Variants in MANSC1 observed in about 807,000 individuals in gnomAD.
MANSC1 encodes the protein MANSC domain-containing protein 1.
Under a neutral mutation model 14.1 loss-of-function variants are expected in MANSC1, and 13 were observed. The observed-to-expected ratio is 0.92, with a 90% CI of 0.60 to 1.46. The LOEUF (loss-of-function observed/expected upper bound fraction) is 1.46. Ranked by LOEUF, MANSC1 falls within the 40% of genes most tolerant of loss-of-function variation. MANSC1 has a pLI of 0.00. For synonymous variants in MANSC1, 227 were observed against 200.7 expected, an observed-to-expected ratio of 1.13 and a Z score of -1.11; for missense variants, 486 against 511.4, an observed-to-expected ratio of 0.95 and a Z score of 0.48.
chr12:12,331,181 CA>C (rs1862785019), intron 3 of MANSC1, among the ~76,000 whole-genome samples: 1 of 152,046 alleles, frequency 6.6e-6, no homozygotes, highest in Non-Finnish European at 1.5e-5. Context: ...GTCTCTTAAA[CA>C]AAAAAATCTC....
chr12:12,335,447 T>A (rs1862846555), intron 3 of MANSC1, among the ~76,000 whole-genome samples: 1 of 151,538 alleles, frequency 6.6e-6, no homozygotes, highest in Non-Finnish European at 1.5e-5. Flanking sequence ...TTCAAGCAAT[T>A]CTCCCGCCTC....
chr12:12,346,100 C>G (rs548296864), intron 1 of MANSC1, among the ~76,000 whole-genome samples: 3 of 152,096 alleles, frequency 2.0e-5, no homozygotes, highest in African/African-American at 7.2e-5. Context: ...GGTGAAACCC[C>G]GTCTCTACTA....
intron 1 of MANSC1, among the ~76,000 whole-genome samples, chr12:12,346,053 C>A (rs1275936925): frequency 1.3e-5 from 2 of 152,188 alleles, no homozygotes; most frequent in African/African-American, 4.8e-5. Flanking sequence ...GCAGGCAGAT[C>A]ATGAGGTCAG....
rs1454268399 is a variant in MANSC1 at position 12,330,900 on chromosome 12, G to A, written c.423C>T (p.Leu141=). 3.7e-6 allele frequency: 6 copies of A among 1,611,428 alleles called. No homozygotes were observed. Among genetic ancestry groups the A allele is most frequent in the Non-Finnish European group, 5.1e-6 (6 of 1,179,158 alleles). The change falls in exon 4 of 4, where the codon CTC becomes CTT. Residue 141 remains leucine, a synonymous_variant. Transcript: ENST00000535902. ...PSQELPQEDS[L]LHGQFSQAVT... ...CTGCTTGTGAAAATTGGCCATGTAA[G>A]AGAGAATCTTCCTGGGGTAACTCTT...
At chr12:12,331,204 T>C (rs752074243) in intron 3 of MANSC1, among the ~76,000 whole-genome samples, 6 of 152,168 alleles carry the variant, frequency 3.9e-5, no homozygotes, top group Non-Finnish European at 5.9e-5. Flanking sequence ...AAACTGTTGA[T>C]ACTTGACATT....
intron 2 of MANSC1, 81 bp from the exon 3 acceptor site, chr12:12,338,641 T>A: frequency 7.6e-7 from 1 of 1,316,834 alleles, no homozygotes; most frequent in Non-Finnish European, 1.1e-6. Context: ...CTTCACTTAT[T>A]ATGGAGTCCA....
chr12:12,342,755 A>G (rs1862953787), intron 2 of MANSC1, among the ~76,000 whole-genome samples: 1 of 152,044 alleles, frequency 6.6e-6, no homozygotes, highest in African/African-American at 2.4e-5. Context: ...TTTCTTTGTA[A>G]TATCACACTG....
chr12:12,330,959 C>A lies in MANSC1; in HGVS notation c.365-1G>T, dbSNP rs1565792910. ...AAATTTCTGGTCAAAGATGGAAAAT[C>A]TGAAAATGTATGGAAAATAAAAGGA... On this transcript the variant is annotated splice_acceptor_variant, in intron 3 of 3. Transcript: ENST00000535902. LOFTEE classifies it high-confidence loss of function. 6.4e-7 allele frequency: 1 copy of A among 1,559,118 alleles called. No individual in the cohort carries two copies. Among genetic ancestry groups the A allele is most frequent in the East Asian group, 2.3e-5 (1 of 44,432 alleles).
rs765739407 is a variant in MANSC1 at position 12,326,197 on chromosome 12, G to C, written c.*3830C>G. 5 of 152,170 alleles carry C rather than the reference G, an allele frequency of 3.3e-5. No homozygotes were observed. The highest frequency in any genetic ancestry group is 5.9e-5 in the Non-Finnish European group (4 of 68,042). 9.4% of individuals were successfully genotyped at this position (152,170 alleles called of 1,614,324 possible). ...CCACTGCCACGCTCAGTGTGGCAGT[G>C]CCTTCTCCCCTCATCATGGCAGGGA... On this transcript the variant is annotated 3_prime_UTR_variant, in exon 4 of 4. Transcript: ENST00000535902.
chr12:12,336,106 C>A (rs1456163464), intron 3 of MANSC1, among the ~76,000 whole-genome samples: 1 of 152,154 alleles, frequency 6.6e-6, no homozygotes, highest in Non-Finnish European at 1.5e-5. Context: ...CCACTGCACT[C>A]CACCCTGGGC....
At chr12:12,345,301 CA>C (rs1195549160) in intron 1 of MANSC1, among the ~76,000 whole-genome samples, 1 of 122,650 alleles carries the variant, frequency 8.2e-6, no homozygotes, top group African/African-American at 3.2e-5. Flanking sequence ...GCCTGGGTGA[CA>C]AGAGCAAAAC....
Position 12,330,578 on chromosome 12 carries a change from G to GT in MANSC1, c.744dup (p.Pro249ThrfsTer89). 6.2e-7 allele frequency: 1 copy of GT among 1,614,234 alleles called. No individual in the cohort carries two copies. Among genetic ancestry groups the GT allele is most frequent in the African/African-American group, 1.3e-5 (1 of 75,064 alleles). On this transcript the variant is annotated frameshift_variant, in exon 4 of 4. Coordinates refer to ENST00000535902, the MANE Select transcript of MANSC1 (RefSeq NM_018050.4). LOFTEE classifies it low-confidence loss of function (END_TRUNC). ...GAAGGTGTCACTGAAGCATTGGTGG[G>GT]TAGAAGGGTGGCGGGCTTTGGAGTA... is the stretch of plus-strand genomic sequence containing the variant.
chr12:12,334,237 C>T (rs1169884804), intron 3 of MANSC1, among the ~76,000 whole-genome samples: 1 of 150,716 alleles, frequency 6.6e-6, no homozygotes, highest in Non-Finnish European at 1.5e-5. Flanking sequence ...CATGATCGCG[C>T]CACTGCACTG....
chr12:12,332,939 CT>C (rs1862811312), intron 3 of MANSC1, among the ~76,000 whole-genome samples: 1 of 152,012 alleles, frequency 6.6e-6, no homozygotes, highest in Admixed American at 6.6e-5. Flanking sequence ...TGTGAAAAGC[CT>C]AAAATACTAT....
In MANSC1 at chr12:12,341,675, G is replaced by A. The variant is rs1040604815; in HGVS notation, c.223+1417C>T. On this transcript the variant is annotated intron_variant, in intron 2 of 3. Coordinates refer to ENST00000535902, the MANE Select transcript of MANSC1 (RefSeq NM_018050.4). ...AGGTCTTGCTTTGTCACCCAGGCTG[G>A]AGTGCAGTGGTTCGATCAAAGCTCA... Among the ~76,000 whole-genome samples the A allele has an allele frequency of 2.0e-5, 3 of 152,190 alleles. No individual in the cohort carries two copies. The East Asian group carries it at 5.8e-4, about 29-fold the overall frequency.
chr12:12,331,316 G>C (rs1375749688), intron 3 of MANSC1, among the ~76,000 whole-genome samples: 1 of 152,192 alleles, frequency 6.6e-6, no homozygotes, highest in East Asian at 1.9e-4. Context: ...AGCATGATAG[G>C]ACAGAAGAGA....
At chr12:12,336,887 G>A (rs553494358) in intron 3 of MANSC1, among the ~76,000 whole-genome samples, 1 of 152,272 alleles carries the variant, frequency 6.6e-6, no homozygotes, top group East Asian at 1.9e-4. Flanking sequence ...CATAGGAGAT[G>A]CTAAATAATA....
intron 3 of MANSC1, among the ~76,000 whole-genome samples, chr12:12,333,044 A>AAT (rs147386841): frequency 7.4e-4 from 110 of 148,448 alleles, no homozygotes; most frequent in South Asian, 8.5e-4. Context: ...TATATTTGAA[A>AAT]ATATATATAT....
rs75180936 is a variant in MANSC1 at position 12,332,178 on chromosome 12, G to A, written c.365-1220C>T. Among the ~76,000 whole-genome samples the A allele has an allele frequency of 6.0e-3, 921 of 152,300 alleles. 8 individuals carry two copies. The highest frequency in any genetic ancestry group is 0.02 in the African/African-American group (845 of 41,570). ...AGGCTAACCATCTCACATTAGAACT[G>A]CAGAAAACACAAGGAAAGAAGCAGA... is the stretch of plus-strand genomic sequence containing the variant. On this transcript the variant is annotated intron_variant, in intron 3 of 3. Transcript: ENST00000535902.
Sources: allele counts gnomAD v4.1 joint callset (sites outside exome capture counted in the v4.1 genomes callset), GRCh38; gene constraint gnomAD v4.1.1; transcripts MANE v1.5; gene names NCBI Gene and HGNC (gene_info 2026-07-23, HGNC 2026-07-21).